The following NAALADL2 variants were observed in gnomAD, a reference collection of about 807,000 sequenced individuals.
NAALADL2 encodes the protein N-acetylated alpha-linked acidic dipeptidase like 2, also known as inactive N-acetylated-alpha-linked acidic dipeptidase-like protein 2.
NAALADL2 carries 76 observed loss-of-function variants against 87.2 expected under a neutral mutation model. That is an observed-to-expected ratio of 0.87 (90% CI 0.72 to 1.05). The LOEUF (loss-of-function observed/expected upper bound fraction) is 1.05. NAALADL2 is among the 50% of genes least tolerant of loss of function. The probability of loss-of-function intolerance (pLI) is 0.00; values close to 1 mark genes in which losing one functional copy is unlikely to be tolerated. For missense variants in NAALADL2, 1,089 were observed against 945.8 expected (o/e 1.15, Z -1.99); for synonymous variants, 354 against 331.0 (o/e 1.07, Z -0.75).
chr3:175,247,647 A>G (rs1460845288), intron 3 of NAALADL2, among the ~76,000 whole-genome samples: 1 of 152,158 alleles, frequency 6.6e-6, no homozygotes, highest in Non-Finnish European at 1.5e-5. Context: ...TGTAGACTCA[A>G]TGTAAAATAA....
At chr3:175,374,737 G>A (rs1766934911) in intron 5 of NAALADL2, among the ~76,000 whole-genome samples, 1 of 151,580 alleles carries the variant, frequency 6.6e-6, no homozygotes, top group Non-Finnish European at 1.5e-5. Flanking sequence ...GCTGGGCATG[G>A]TGGTGCATGC....
intron 1 of NAALADL2, among the ~76,000 whole-genome samples, chr3:174,942,985 A>G (rs1738841645): frequency 6.6e-6 from 1 of 152,112 alleles, no homozygotes; most frequent in Non-Finnish European, 1.5e-5. Context: ...CTGTCCTCCT[A>G]AATCTCAATG....
intron 2 of NAALADL2, among the ~76,000 whole-genome samples, chr3:174,687,359 T>TTACCA (rs1728145837): frequency 6.6e-6 from 1 of 152,146 alleles, no homozygotes; most frequent in Non-Finnish European, 1.5e-5. Flanking sequence ...TCTATCCCTC[T>TTACCA]TACCATAATA....
chr3:175,320,449 T>A (rs574452225), intron 4 of NAALADL2, among the ~76,000 whole-genome samples: 1 of 152,222 alleles, frequency 6.6e-6, no homozygotes, highest in East Asian at 1.9e-4. Context: ...TAAGGTTACG[T>A]GTAAATTCCT....
In NAALADL2 at chr3:175,057,270, C is replaced by T. The variant is rs903510484; in HGVS notation, c.44-39520C>T. 5.3e-5 allele frequency among the ~76,000 whole-genome samples: 8 copies of T among 152,042 alleles called. No homozygotes were observed. The South Asian group carries it at 1.0e-3, about 20-fold the overall frequency. On this transcript the variant is annotated intron_variant, in intron 1 of 13. Coordinates refer to ENST00000454872, the MANE Select transcript of NAALADL2 (RefSeq NM_207015.3). The stretch of plus-strand genomic sequence containing the variant: ...ATCACGTTACCATTTTTTTCAGTCA[C>T]GATCAACCTGACAAACGTGCCTGAA...
intron 2 of NAALADL2, among the ~76,000 whole-genome samples, chr3:175,184,056 A>G (rs13321267): frequency 6.6e-6 from 1 of 151,994 alleles, no homozygotes; most frequent in Non-Finnish European, 1.5e-5. Context: ...ATTTTCTACC[A>G]TGTTACTCTT....
intron 1 of NAALADL2, among the ~76,000 whole-genome samples, chr3:174,499,962 A>G (rs78445218): frequency 0.013 from 1,981 of 152,150 alleles, 18 homozygotes; most frequent in Middle Eastern, 0.024. Context: ...TTCTGTAAAA[A>G]TCCTTCTGGG....
At chr3:175,718,378 A>C in intron 11 of NAALADL2, 1 of 1,596,616 alleles carries the variant, frequency 6.3e-7, no homozygotes, top group East Asian at 2.2e-5. Flanking sequence ...CCACCACTCC[A>C]TTAGAACTAT....
At chr3:175,558,941 T>G (rs1427613846) in intron 9 of NAALADL2, among the ~76,000 whole-genome samples, 4 of 152,174 alleles carry the variant, frequency 2.6e-5, no homozygotes, top group African/African-American at 9.6e-5. Flanking sequence ...TTTAAGATTT[T>G]TTTGTTCTAT....
At chr3:174,996,996 GTGTGT>G (rs1560456919) in intron 1 of NAALADL2, among the ~76,000 whole-genome samples, 1,101 of 11,654 alleles carry the variant, frequency 0.094, 13 homozygotes, top group African/African-American at 0.17. Flanking sequence ...TCCAAGGGGT[GTGTGT>G]GTGTGTGTGT....
chr3:174,987,827 T>TATTTATATATATATA (rs1222203525), intron 1 of NAALADL2, among the ~76,000 whole-genome samples: 1 of 130,578 alleles, frequency 7.7e-6, no homozygotes, highest in African/African-American at 3.7e-5. Context: ...TATATATATA[T>TATTTATATATATATA]AATGAGACCT....
At chr3:174,450,420 C>T (rs933796873) in intron 1 of NAALADL2, among the ~76,000 whole-genome samples, 2 of 152,146 alleles carry the variant, frequency 1.3e-5, no homozygotes, top group African/African-American at 2.4e-5. Flanking sequence ...AGGTGGTTGC[C>T]TAGGCAGTTA....
chr3:175,570,225 G>A (rs1335031313), intron 9 of NAALADL2, among the ~76,000 whole-genome samples: 2 of 152,142 alleles, frequency 1.3e-5, no homozygotes, highest in Non-Finnish European at 2.9e-5. Flanking sequence ...CCTTTCTTGT[G>A]GGAAGGTCAG....
chr3:174,929,549 C>T (rs549517682), intron 1 of NAALADL2, among the ~76,000 whole-genome samples: 1 of 152,020 alleles, frequency 6.6e-6, no homozygotes, highest in East Asian at 1.9e-4. Flanking sequence ...TGTACATATA[C>T]AATACTATAA....
intron 2 of NAALADL2, among the ~76,000 whole-genome samples, chr3:174,662,049 T>C: frequency 6.6e-6 from 1 of 152,162 alleles, no homozygotes; most frequent in East Asian, 1.9e-4. Flanking sequence ...TCCTCAGAGA[T>C]AGCCTCAGTT....
At chr3:174,932,622 G>A (rs1240133346) in intron 1 of NAALADL2, among the ~76,000 whole-genome samples, 1 of 152,030 alleles carries the variant, frequency 6.6e-6, no homozygotes, top group Non-Finnish European at 1.5e-5. Context: ...AGCCCTGCTG[G>A]ACCCTGGAGT....
intron 1 of NAALADL2, among the ~76,000 whole-genome samples, chr3:174,537,257 GT>G (rs984506342): frequency 1.3e-5 from 2 of 152,078 alleles, no homozygotes; most frequent in African/African-American, 2.4e-5. Context: ...GCTAGCAATT[GT>G]TTTTTATTAT....
At chr3:174,970,316 A>G (rs1201699977) in intron 1 of NAALADL2, among the ~76,000 whole-genome samples, 1 of 152,200 alleles carries the variant, frequency 6.6e-6, no homozygotes, top group African/African-American at 2.4e-5. Flanking sequence ...AAATCTATGT[A>G]AATGGATGGT....
intron 12 of NAALADL2, among the ~76,000 whole-genome samples, chr3:175,740,105 C>T (rs936499516): frequency 5.9e-5 from 9 of 151,842 alleles, no homozygotes; most frequent in Non-Finnish European, 1.2e-4. Flanking sequence ...AGGAGGAGAC[C>T]AAGGAGGAGT....
Sources: gnomAD v4.1 joint callset for allele counts (sites outside exome capture counted in the v4.1 genomes callset) on GRCh38, gnomAD v4.1.1 for gene constraint, MANE v1.5 for transcripts, NCBI Gene and HGNC (gene_info 2026-07-23, HGNC 2026-07-21) for gene names.